Variants in COA1 observed in about 807,000 individuals in gnomAD.
COA1 encodes the protein cytochrome c oxidase assembly factor 1 homolog.
In COA1, 13 loss-of-function variants were observed where a neutral mutation model predicts 16.0. The observed-to-expected ratio is 0.81, with a 90% CI of 0.53 to 1.29. The LOEUF is 1.29. Among genes scored for constraint, COA1 ranks in the 50% most tolerant of loss-of-function variants. The pLI is 0.00. For synonymous variants in COA1, 65 were observed against 65.7 expected (o/e 0.99, Z 0.05); for missense variants, 179 against 177.0 (o/e 1.01, Z -0.06).
At chr7:43,613,512 C>CT (rs2083065091) in intron 6 of COA1, among the ~76,000 whole-genome samples, 1 of 152,160 alleles carries the variant, frequency 6.6e-6, no homozygotes, top group Non-Finnish European at 1.5e-5. Flanking sequence ...GATTCTATCA[C>CT]TAACTTTTCC....
intron 6 of COA1, among the ~76,000 whole-genome samples, chr7:43,617,234 A>G (rs2083440035): frequency 6.6e-6 from 1 of 152,286 alleles, no homozygotes; most frequent in Middle Eastern, 3.4e-3. Flanking sequence ...TTTGGAGGTT[A>G]CCTAAGAGCA....
At chr7:43,703,963 T>C (rs539151445) in intron 1 of COA1, among the ~76,000 whole-genome samples, 2 of 152,344 alleles carry the variant, frequency 1.3e-5, no homozygotes, top group African/African-American at 4.8e-5. Flanking sequence ...CAGGTACCAG[T>C]ATTTAATTTC....
intron 1 of COA1, among the ~76,000 whole-genome samples, chr7:43,677,998 A>C (rs1471463778): frequency 6.6e-6 from 1 of 152,114 alleles, no homozygotes; most frequent in African/African-American, 2.4e-5. Flanking sequence ...GTATTTAAAA[A>C]CTAACAACAC....
At chr7:43,719,117 G>A (rs549114452) in intron 1 of COA1, among the ~76,000 whole-genome samples, 18 of 151,834 alleles carry the variant, frequency 1.2e-4, no homozygotes, top group South Asian at 1.0e-3. Context: ...GATTACATGC[G>A]CCACCACACC....
intron 6 of COA1, chr7:43,624,870 T>G (rs1375442686): frequency 9.7e-6 from 15 of 1,544,416 alleles, no homozygotes; most frequent in Non-Finnish European, 1.3e-5. Context: ...AACTTCAAGA[T>G]TTCTACATTG....
At chr7:43,610,211 G>T (rs1337185640) in intron 6 of COA1, among the ~76,000 whole-genome samples, 6 of 152,092 alleles carry the variant, frequency 3.9e-5, no homozygotes, top group Admixed American at 3.9e-4. Flanking sequence ...GCCAGGCATG[G>T]TGGTGGGTGC....
intron 1 of COA1, among the ~76,000 whole-genome samples, chr7:43,684,346 G>A (rs1319349088): frequency 3.3e-5 from 5 of 152,110 alleles, no homozygotes; most frequent in Admixed American, 3.3e-4. Flanking sequence ...AATGGGATTG[G>A]GGACCCCTGA....
At chr7:43,641,209 AATCTAC>A (rs1476085651) in intron 4 of COA1, 1 of 151,992 alleles carries the variant, frequency 6.6e-6, no homozygotes, top group Non-Finnish European at 1.5e-5. Context: ...TGCTGGGAAC[AATCTAC>A]ATCTAGATAA....
chr7:43,715,599 G>C (rs768761274), intron 1 of COA1, among the ~76,000 whole-genome samples: 1 of 151,890 alleles, frequency 6.6e-6, no homozygotes, highest in Non-Finnish European at 1.5e-5. Context: ...ACTAATTTTA[G>C]ATCAAGTTCT....
chr7:43,628,131 C>T (rs180704480), intron 6 of COA1, among the ~76,000 whole-genome samples: 473 of 152,244 alleles, frequency 3.1e-3, no homozygotes, highest in South Asian at 8.1e-3. Flanking sequence ...GGATTACAGG[C>T]ATGCGCCACC....
intron 1 of COA1, among the ~76,000 whole-genome samples, chr7:43,652,672 T>C (rs1056078992): frequency 2.6e-5 from 4 of 152,118 alleles, no homozygotes; most frequent in African/African-American, 7.2e-5. Flanking sequence ...CTCTGGGAAA[T>C]AGTTTTAATC....
chr7:43,623,010 T>C (rs943655510), intron 6 of COA1: 1 of 152,498 alleles, frequency 6.6e-6, no homozygotes, highest in Non-Finnish European at 1.5e-5. Flanking sequence ...CTCAATTCTA[T>C]AGATGCAACT....
intron 4 of COA1, among the ~76,000 whole-genome samples, chr7:43,644,790 GC>G (rs1412888714): frequency 0.13 from 5,115 of 37,970 alleles, 264 homozygotes; most frequent in Admixed American, 0.22. Flanking sequence ...AGGCAGGCAG[GC>G]AGAGAGACAG....
At chr7:43,619,519 AAT>A (rs2083655889) in intron 6 of COA1, 1 of 1,519,816 alleles carries the variant, frequency 6.6e-7, no homozygotes, top group Non-Finnish European at 8.9e-7. Context: ...TCATAGGTGA[AAT>A]ATGTTTTATG....
chr7:43,678,532 A>G (rs1415851237), intron 1 of COA1, among the ~76,000 whole-genome samples: 1 of 152,200 alleles, frequency 6.6e-6, no homozygotes, highest in Non-Finnish European at 1.5e-5. Context: ...AAGGCAACCC[A>G]CAGTACTGGA....
rs1210512835 is a variant in COA1 at position 43,710,396 on chromosome 7, T to TATATATATA, written c.-39+19032_-39+19033insTATATATAT. 1.7e-3 allele frequency among the ~76,000 whole-genome samples: 164 copies of TATATATATA among 97,304 alleles called. 1 individual carries two copies. Among genetic ancestry groups the TATATATATA allele is most frequent in the Non-Finnish European group, 3.2e-3 (141 of 44,728 alleles). The allele number at this position is 97,304 out of a possible 152,430, so 63.8% of individuals were successfully genotyped here. A position where few individuals can be genotyped will look rare whatever the true frequency, so the allele number is the denominator to read the frequency against. On this transcript the variant is annotated intron_variant, in intron 1 of 5. Coordinates refer to ENST00000223336, the MANE Select transcript of COA1 (RefSeq NM_018224.4). ...AAAAAATATATATATATATATATAT[T>TATATATATA]TTTAAGATATGTCCTAAACAGTTGA...
chr7:43,710,348 CAAAAAAA>C lies in COA1; in HGVS notation c.-39+19074_-39+19080del, dbSNP rs1165121530. ...TGGGTGAAAGAGCAAGACTCTGTCT[CAAAAAAA>C]AAAAAAAAAAAAAAAAAAAAATATA... On this transcript the variant is annotated intron_variant, in intron 1 of 5. Coordinates refer to ENST00000223336, the MANE Select transcript of COA1 (RefSeq NM_018224.4). Among the ~76,000 whole-genome samples the C allele has an allele frequency of 4.7e-3, 248 of 52,382 alleles. 1 individual carries two copies. Among genetic ancestry groups the C allele is most frequent in the South Asian group, 0.014 (18 of 1,326 alleles). 34.4% of individuals were successfully genotyped at this position (52,382 alleles called of 152,430 possible). A position where few individuals can be genotyped will look rare whatever the true frequency, so the allele number is the denominator to read the frequency against.
At chr7:43,627,389 T>G (rs1328062552) in intron 6 of COA1, among the ~76,000 whole-genome samples, 2 of 152,218 alleles carry the variant, frequency 1.3e-5, no homozygotes. Flanking sequence ...ACTTAGAGAA[T>G]GTGAGACAGA....
intron 6 of COA1, among the ~76,000 whole-genome samples, chr7:43,617,216 C>T (rs558216632): frequency 4.0e-4 from 61 of 152,070 alleles, no homozygotes; most frequent in African/African-American, 1.4e-3. Flanking sequence ...GCACACCATG[C>T]GAAGGAGTTT....
Sources: gnomAD v4.1 joint callset for allele counts (sites outside exome capture counted in the v4.1 genomes callset) on GRCh38, gnomAD v4.1.1 for gene constraint, MANE v1.5 for transcripts, NCBI Gene and HGNC (gene_info 2026-07-23, HGNC 2026-07-21) for gene names.